Variants in FUCA1 observed in about 807,000 individuals in gnomAD.
The protein encoded by FUCA1 is tissue alpha-L-fucosidase.
A neutral mutation model predicts 56.8 loss-of-function variants in FUCA1; 52 were observed. The ratio of observed to expected loss-of-function variants is 0.92; its 90% CI spans 0.73 to 1.15. The LOEUF is 1.15. Ranked by LOEUF, FUCA1 falls within the 50% of genes most tolerant of loss-of-function variation. The pLI is 0.00. For missense variants in FUCA1, 568 were observed against 592.6 expected, an observed-to-expected ratio of 0.96 and a Z score of 0.43; for synonymous variants, 230 against 226.6, an observed-to-expected ratio of 1.02 and a Z score of -0.14.
In FUCA1 at chr1:23,863,187, T is replaced by A; in HGVS notation, c.609A>T (p.Thr203=). 1 of 1,614,064 alleles carries A rather than the reference T, an allele frequency of 6.2e-7. No individual in the cohort carries two copies. Among genetic ancestry groups the A allele is most frequent in the Non-Finnish European group, 8.5e-7 (1 of 1,180,018 alleles). The change falls in exon 3 of 8, where the codon ACA becomes ACT. Residue 203 remains threonine, a synonymous_variant. Transcript: ENST00000374479. ...YLLDKKNGFK[T]QHFVSAKTMP... is the part of the protein sequence containing the mutation. Reference sequence around the variant, plus strand: ...TTGTTTTTGCACTGACAAAATGCTGTGTTTTGAAGCCATTTTTCTTATCAA... The same window carrying A: ...TTGTTTTTGCACTGACAAAATGCTGAGTTTTGAAGCCATTTTTCTTATCAA...
Position 23,863,247 on chromosome 1 carries a change from G to T in FUCA1, c.549C>A (p.His183Gln). The T allele has an allele frequency of 6.2e-7, 1 of 1,613,538 alleles. No homozygotes were observed. The highest frequency in any genetic ancestry group is 1.1e-5 in the South Asian group (1 of 91,074). Reference sequence around the variant, plus strand: ...GTGGATGGAACCACTCTAAGAGTGAGTGGTATAGTCCATAGCGGATGTTCC... The same window carrying T: ...GTGGATGGAACCACTCTAAGAGTGATTGGTATAGTCCATAGCGGATGTTCC... ...RKRNIRYGLY[H>Q]SLLEWFHPLY... The change falls in exon 3 of 8, where the codon CAC becomes CAA. Residue 183 changes from histidine to glutamine, a missense_variant. Coordinates refer to ENST00000374479, the MANE Select transcript of FUCA1 (RefSeq NM_000147.5).
At position 23,859,423 on chromosome 1, in the gene FUCA1, C is replaced by T. The variant is rs564161052; in HGVS notation, c.768+375G>A. 1.7e-3 allele frequency among the ~76,000 whole-genome samples: 264 copies of T among 152,096 alleles called. 1 individual carries two copies. The highest frequency in any genetic ancestry group is 7.3e-3 in the South Asian group (35 of 4,816). ...CTCTACTAAAAACACAAAAATCAGCCGGCCAGGTGGCGGGCCCCTGTAATC... is the reference window on the plus strand; with the variant it reads ...CTCTACTAAAAACACAAAAATCAGCTGGCCAGGTGGCGGGCCCCTGTAATC... On this transcript the variant is annotated intron_variant, in intron 4 of 7. Transcript: ENST00000374479.
At chr1:23,847,790 G>C (rs926597392) in intron 6 of FUCA1, among the ~76,000 whole-genome samples, 2 of 152,196 alleles carry the variant, frequency 1.3e-5, no homozygotes, top group African/African-American at 4.8e-5. Flanking sequence ...GAGAGGCAGA[G>C]GCAGGTGGAT....
At chr1:23,855,684 A>C (rs1470745586) in intron 4 of FUCA1, among the ~76,000 whole-genome samples, 1 of 152,254 alleles carries the variant, frequency 6.6e-6, no homozygotes, top group Non-Finnish European at 1.5e-5. Flanking sequence ...ATTTGTAACT[A>C]GTTCAATCCA....
chr1:23,858,074 T>A (rs1639430770), intron 4 of FUCA1, among the ~76,000 whole-genome samples: 1 of 150,298 alleles, frequency 6.7e-6, no homozygotes, highest in African/African-American at 2.4e-5. Context: ...ACCCTTAGAC[T>A]TTTTTTTTGA....
At position 23,846,163 on chromosome 1, in the gene FUCA1, T is replaced by C; in HGVS notation, c.1171A>G (p.Lys391Glu). The change falls in exon 7 of 8, where the codon AAG becomes GAG. Residue 391 changes from lysine (K) to glutamate (E), a missense_variant. By Grantham distance (56) the Lys-to-Glu change is moderately conservative. Transcript: ENST00000374479. ...KNTTSVWYTSKGSAVYAIFLH... is the reference protein window; with the variant it reads ...KNTTSVWYTSEGSAVYAIFLH... The stretch of plus-strand genomic sequence containing the variant: ...AAAATGGCATAAACAGCCGATCCCT[T>C]TGAGGTATACCTGGGAAAACAGAAA... The C allele has an allele frequency of 6.2e-6, 10 of 1,613,326 alleles. No individual in the cohort carries two copies. The highest frequency in any genetic ancestry group is 2.2e-5 in the South Asian group (2 of 91,048).
At position 23,848,771 on chromosome 1, in the gene FUCA1, C is replaced by T; in HGVS notation, c.1038G>A (p.Leu346=). The T allele has an allele frequency of 6.2e-6, 10 of 1,614,124 alleles. No homozygotes were observed. The highest frequency in any genetic ancestry group is 8.5e-6 in the Non-Finnish European group (10 of 1,179,942). Reference sequence around the variant, plus strand: ...GCCTTTCTTGGAAGATGGGAACAATCAGTCCATCTTTAGTTGGTCCAATGT... The same window carrying T: ...GCCTTTCTTGGAAGATGGGAACAATTAGTCCATCTTTAGTTGGTCCAATGT... The part of the protein sequence containing the change: ...LLNIGPTKDG[L]IVPIFQERLL... The change falls in exon 6 of 8, where the codon CTG becomes CTA. Residue 346 remains leucine, a synonymous_variant. Coordinates refer to ENST00000374479, the MANE Select transcript of FUCA1 (RefSeq NM_000147.5).
chr1:23,848,116 A>G (rs1257397970), intron 6 of FUCA1, among the ~76,000 whole-genome samples: 12 of 152,190 alleles, frequency 7.9e-5, no homozygotes, highest in Admixed American at 7.9e-4. Flanking sequence ...AAACTCATCC[A>G]AAACAGAGGG....
At chr1:23,857,435 C>CTGATGTG (rs1639415001) in intron 4 of FUCA1, among the ~76,000 whole-genome samples, 2 of 152,172 alleles carry the variant, frequency 1.3e-5, no homozygotes, top group Non-Finnish European at 2.9e-5. Context: ...CATCAGAGTT[C>CTGATGTG]ATTACCTAGG....
At chr1:23,854,642 T>C in intron 4 of FUCA1, 82 bp from the exon 5 acceptor site, 1 of 1,187,376 alleles carries the variant, frequency 8.4e-7, no homozygotes. Context: ...AGGCTCTATT[T>C]GGAAGCAAGA....
chr1:23,866,900 C>G (rs1441626516), intron 1 of FUCA1, among the ~76,000 whole-genome samples: 2 of 152,178 alleles, frequency 1.3e-5, no homozygotes, highest in East Asian at 3.8e-4. Context: ...AACACTTCCT[C>G]TGCTTAATCA....
In FUCA1 at chr1:23,867,843, C is replaced by A. The variant is rs1250117538; in HGVS notation, c.389+55G>T. 2 of 1,513,496 alleles carry A rather than the reference C, an allele frequency of 1.3e-6. No homozygotes were observed. Among genetic ancestry groups the A allele is most frequent in the Admixed American group, 2.1e-5 (1 of 47,758 alleles). The allele number at this position is 1,513,496 out of a possible 1,614,324, so 93.8% of individuals were successfully genotyped here. ...GCCCCAGCTGGCCGCCCAGCCCCACCTCCTGTTTGCCGCCCGAGCCGGGAA... is the reference window on the plus strand; with the variant it reads ...GCCCCAGCTGGCCGCCCAGCCCCACATCCTGTTTGCCGCCCGAGCCGGGAA... On this transcript the variant is annotated intron_variant, in intron 1 of 7. Transcript: ENST00000374479. The surrounding 1 kb of genome is among the most constrained non-coding windows in gnomAD (Gnocchi z 4.9).
At chr1:23,849,662 A>C (rs1354568031) in intron 5 of FUCA1, among the ~76,000 whole-genome samples, 2 of 138,006 alleles carry the variant, frequency 1.4e-5, no homozygotes, top group Non-Finnish European at 1.5e-5. Flanking sequence ...GGCTCACTGC[A>C]ACCTCCGCCT....
rs1320570503 is a variant in FUCA1 at position 23,845,307 on chromosome 1, G to A, written c.*408C>T. On this transcript the variant is annotated 3_prime_UTR_variant, in exon 8 of 8. Coordinates refer to ENST00000374479, the MANE Select transcript of FUCA1 (RefSeq NM_000147.5). ...TGCAGAAAGACTGTTGGTGACAACT[G>A]ATGCTAACTAAATAGCATGTGGTTG... 1.3e-5 allele frequency: 4 copies of A among 304,768 alleles called. No individual in the cohort carries two copies. The highest frequency in any genetic ancestry group is 1.9e-5 in the Non-Finnish European group (3 of 158,468). 18.9% of individuals were successfully genotyped at this position (304,768 alleles called of 1,614,324 possible).
At chr1:23,856,819 C>T (rs565094534) in intron 4 of FUCA1, among the ~76,000 whole-genome samples, 12 of 151,888 alleles carry the variant, frequency 7.9e-5, no homozygotes, top group South Asian at 4.2e-4. Flanking sequence ...GGTGAAACCC[C>T]GTCTCTACTA....
intron 5 of FUCA1, among the ~76,000 whole-genome samples, chr1:23,851,992 C>T (rs1639268932): frequency 6.6e-6 from 1 of 151,524 alleles, no homozygotes; most frequent in Non-Finnish European, 1.5e-5. Flanking sequence ...AACCTGCACA[C>T]TCTGCACTTG....
In FUCA1 at chr1:23,867,838, C is replaced by T; in HGVS notation, c.389+60G>A. On this transcript the variant is annotated intron_variant, in intron 1 of 7. Coordinates refer to ENST00000374479, the MANE Select transcript of FUCA1 (RefSeq NM_000147.5). This position sits in a 1 kb window ranked among gnomAD's most constrained non-coding sequence, Gnocchi z 4.9. ...TGCGCGCCCCAGCTGGCCGCCCAGCCCCACCTCCTGTTTGCCGCCCGAGCC... is the reference window on the plus strand; with the variant it reads ...TGCGCGCCCCAGCTGGCCGCCCAGCTCCACCTCCTGTTTGCCGCCCGAGCC... The T allele has an allele frequency of 6.6e-7, 1 of 1,505,744 alleles. No individual in the cohort carries two copies. Among genetic ancestry groups the T allele is most frequent in the Non-Finnish European group, 8.8e-7 (1 of 1,131,998 alleles). The allele number at this position is 1,505,744 out of a possible 1,614,324, so 93.3% of individuals were successfully genotyped here. A position where few individuals can be genotyped will look rare whatever the true frequency, so the allele number is the denominator to read the frequency against.
intron 4 of FUCA1, among the ~76,000 whole-genome samples, chr1:23,859,486 A>T (rs1639461952): frequency 6.6e-6 from 1 of 151,802 alleles, no homozygotes; most frequent in Non-Finnish European, 1.5e-5. Flanking sequence ...GAATCACTTG[A>T]ACTCGGGAGA....
intron 3 of FUCA1, 58 bp downstream of exon 3, chr1:23,863,076 T>A: frequency 6.3e-7 from 1 of 1,577,644 alleles, no homozygotes; most frequent in Non-Finnish European, 8.7e-7. Flanking sequence ...TGGTACCCTA[T>A]AGGAAGCTCT....
Sources: allele counts gnomAD v4.1 joint callset (sites outside exome capture counted in the v4.1 genomes callset), GRCh38; gene constraint gnomAD v4.1.1; non-coding constraint Gnocchi (gnomAD v3.1); transcripts MANE v1.5; gene names NCBI Gene and HGNC (gene_info 2026-07-23, HGNC 2026-07-21).